Variants in FAM118B observed in about 807,000 individuals in gnomAD.
The protein encoded by FAM118B is SIR2 antiphage like 1.
A neutral mutation model predicts 38.5 loss-of-function variants in FAM118B; 24 were observed. The observed-to-expected ratio is 0.62, with a 90% confidence interval of 0.45 to 0.88. The LOEUF is 0.88. Ranked by LOEUF, FAM118B falls within the 40% of genes least tolerant of loss-of-function variation. The probability of loss-of-function intolerance (pLI) is 0.00; values close to 1 mark genes in which losing one functional copy is unlikely to be tolerated. For synonymous variants in FAM118B, 138 were observed against 156.3 expected (o/e 0.88, Z 0.87); for missense variants, 334 against 420.0 (o/e 0.80, Z 1.79).
chr11:126,253,783 T>C lies in FAM118B; in HGVS notation c.568-522T>C, dbSNP rs1950537612. On this transcript the variant is annotated intron_variant, in intron 5 of 8. Coordinates refer to ENST00000533050, the MANE Select transcript of FAM118B (RefSeq NM_024556.4). The surrounding 1 kb of genome is among the most constrained non-coding windows in gnomAD (Gnocchi z 5.1). Reference sequence around the variant, plus strand: ...TATGTCCCAGCAGGCTAGCCCAGGCTTCTTCACTTTCTTCGCATGGCAGCT... The same window carrying C: ...TATGTCCCAGCAGGCTAGCCCAGGCCTCTTCACTTTCTTCGCATGGCAGCT... 1.3e-5 allele frequency among the ~76,000 whole-genome samples: 2 copies of C among 152,212 alleles called. No homozygotes were observed. Among genetic ancestry groups the C allele is most frequent in the Admixed American group, 1.3e-4 (2 of 15,274 alleles).
chr11:126,231,027 C>T (rs1950200668), intron 2 of FAM118B, among the ~76,000 whole-genome samples: 1 of 152,182 alleles, frequency 6.6e-6, no homozygotes, highest in Non-Finnish European at 1.5e-5. Context: ...GAGATAGAAG[C>T]ATTACATTTC....
At chr11:126,216,404 G>A (rs771952095) in intron 1 of FAM118B, among the ~76,000 whole-genome samples, 3 of 151,966 alleles carry the variant, frequency 2.0e-5, no homozygotes, top group African/African-American at 7.3e-5. Context: ...AACAAAAACC[G>A]TTTCTCTGCC....
At chr11:126,251,716 AG>A (rs1378163834) in intron 5 of FAM118B, among the ~76,000 whole-genome samples, 2 of 147,488 alleles carry the variant, frequency 1.4e-5, no homozygotes, top group African/African-American at 5.0e-5. Context: ...TGTAGCACTT[AG>A]TATTAACTTG....
At position 126,238,616 on chromosome 11, in the gene FAM118B, G is replaced by A. The variant is rs79835939; in HGVS notation, c.87-2176G>A. Among the ~76,000 whole-genome samples the A allele has an allele frequency of 4.8e-3, 727 of 152,264 alleles. 4 individuals are homozygous for A. Among genetic ancestry groups the A allele is most frequent in the African/African-American group, 0.017 (688 of 41,536 alleles). Reference sequence around the variant, plus strand: ...TTACTTAATCCCCACCCTCAGCTGTGTGCAGTGTTCTCAGATATAGTCCTC... The same window carrying A: ...TTACTTAATCCCCACCCTCAGCTGTATGCAGTGTTCTCAGATATAGTCCTC... On this transcript the variant is annotated intron_variant, in intron 3 of 8. Coordinates refer to ENST00000533050, the MANE Select transcript of FAM118B (RefSeq NM_024556.4).
chr11:126,214,488 CTGTTTTTTTTTTT>C (rs1314042253), intron 1 of FAM118B: 4 of 34,856 alleles, frequency 1.1e-4, no homozygotes, highest in Non-Finnish European at 2.4e-4. Flanking sequence ...TCTTTTGTTT[CTGTTTTTTTTTTT>C]TGTTTTTTTT....
rs1268489639 is a variant in FAM118B, at chr11:126,255,053, C to A, written c.696+620C>A. 6.6e-6 allele frequency among the ~76,000 whole-genome samples: 1 copy of A among 152,194 alleles called. No homozygotes were observed. The highest frequency in any genetic ancestry group is 1.5e-5 in the Non-Finnish European group (1 of 68,032). On this transcript the variant is annotated intron_variant, in intron 6 of 8. Coordinates refer to ENST00000533050, the MANE Select transcript of FAM118B (RefSeq NM_024556.4). This position sits in a 1 kb window ranked among gnomAD's most constrained non-coding sequence, Gnocchi z 4.6. ...CATCATTTGGTTTATTAATAGCCCT[C>A]TCTGTGTCAGAAATAATTGAGGCAG...
At chr11:126,221,508 T>A (rs1950061884) in intron 1 of FAM118B, among the ~76,000 whole-genome samples, 1 of 152,020 alleles carries the variant, frequency 6.6e-6, no homozygotes, top group Non-Finnish European at 1.5e-5. Context: ...GGTTTTTTGG[T>A]TTTTAAGTTT....
rs78492924 is a variant in FAM118B, at chr11:126,245,689, C to T, written c.339+4645C>T. Among the ~76,000 whole-genome samples, 698 of 151,718 alleles carry T rather than the reference C, an allele frequency of 4.6e-3. 4 individuals carry two copies. The highest frequency in any genetic ancestry group is 0.015 in the African/African-American group (621 of 41,358). ...AGCCTGGGCAACATAGTGAGACCCTCGGCTCTAAAAAAGAAAAAAAAATGA... is the reference window on the plus strand; with the variant it reads ...AGCCTGGGCAACATAGTGAGACCCTTGGCTCTAAAAAAGAAAAAAAAATGA... On this transcript the variant is annotated intron_variant, in intron 4 of 8. Transcript: ENST00000533050.
At chr11:126,259,071 T>TAAA (rs1220593115) in intron 7 of FAM118B, among the ~76,000 whole-genome samples, 5 of 152,200 alleles carry the variant, frequency 3.3e-5, no homozygotes, top group Non-Finnish European at 7.3e-5. Flanking sequence ...GAGTGCTTTA[T>TAAA]GGGAATGGTC....
Position 126,262,268 on chromosome 11 carries a change from G to A in FAM118B, c.*135G>A. On this transcript the variant is annotated 3_prime_UTR_variant, in exon 9 of 9. Coordinates refer to ENST00000533050, the MANE Select transcript of FAM118B (RefSeq NM_024556.4). ...TAGCCAGAGGTTGAAGGGCGGGGTAGAAGAGGGGGGAATGTTGCAGCGTAA... is the reference window on the plus strand; with the variant it reads ...TAGCCAGAGGTTGAAGGGCGGGGTAAAAGAGGGGGGAATGTTGCAGCGTAA... 3 of 842,682 alleles carry A rather than the reference G, an allele frequency of 3.6e-6. No homozygotes were observed. Among genetic ancestry groups the A allele is most frequent in the Non-Finnish European group, 5.8e-6 (3 of 516,024 alleles). 52.2% of individuals were successfully genotyped at this position (842,682 alleles called of 1,614,324 possible).
chr11:126,236,588 G>A (rs1417275230), intron 3 of FAM118B, among the ~76,000 whole-genome samples: 1 of 152,222 alleles, frequency 6.6e-6, no homozygotes, highest in East Asian at 1.9e-4. Context: ...TAGACACCGG[G>A]CAGCTCTTTA....
At chr11:126,223,650 T>G (rs1565326307) in intron 1 of FAM118B, among the ~76,000 whole-genome samples, 1 of 152,094 alleles carries the variant, frequency 6.6e-6, no homozygotes, top group Non-Finnish European at 1.5e-5. Context: ...GTATTTTAGA[T>G]AGATTTAATA....
At position 126,244,707 on chromosome 11, in the gene FAM118B, G is replaced by A. The variant is rs1950399609; in HGVS notation, c.339+3663G>A. Among the ~76,000 whole-genome samples the A allele has an allele frequency of 6.6e-6, 1 of 152,154 alleles. No individual in the cohort carries two copies. The highest frequency in any genetic ancestry group is 1.5e-5 in the Non-Finnish European group (1 of 68,038). ...TAATCCCAGCTACTCGGGAGGTGGA[G>A]GCAGGAGAATCACTTGAACCTGGGA... On this transcript the variant is annotated intron_variant, in intron 4 of 8. Transcript: ENST00000533050. The surrounding 1 kb of genome is among the most constrained non-coding windows in gnomAD (Gnocchi z 4.5).
chr11:126,247,074 C>G (rs758504505), intron 4 of FAM118B, among the ~76,000 whole-genome samples: 1 of 152,174 alleles, frequency 6.6e-6, no homozygotes, highest in Admixed American at 6.5e-5. Flanking sequence ...AAGAGGATCA[C>G]TTGAGGCCAG....
chr11:126,246,884 C>A (rs935964171), intron 4 of FAM118B, among the ~76,000 whole-genome samples: 4 of 152,140 alleles, frequency 2.6e-5, no homozygotes, highest in Non-Finnish European at 5.9e-5. Context: ...GTTTTCATTC[C>A]TTTGTCTTTG....
At chr11:126,236,168 C>T (rs779462664) in intron 3 of FAM118B, among the ~76,000 whole-genome samples, 1 of 152,172 alleles carries the variant, frequency 6.6e-6, no homozygotes, top group Non-Finnish European at 1.5e-5. Context: ...TTACATCTCT[C>T]CTGTATCGAT....
intron 1 of FAM118B, 40 bp downstream of exon 1, chr11:126,211,870 C>T: frequency 1.8e-6 from 1 of 545,038 alleles, no homozygotes; most frequent in Non-Finnish European, 3.2e-6. Context: ...TGGGAAATGC[C>T]GGTGCCTCAA....
intron 1 of FAM118B, chr11:126,214,503 G>GTTTTTGTTTTTT (rs1555048584): frequency 1.8e-4 from 5 of 28,258 alleles, no homozygotes; most frequent in African/African-American, 4.6e-4. Context: ...TTTTTTTTTT[G>GTTTTTGTTTTTT]TTTTTTTTTT....
At chr11:126,226,887 C>G (rs987354100) in intron 1 of FAM118B, among the ~76,000 whole-genome samples, 1 of 149,612 alleles carries the variant, frequency 6.7e-6, no homozygotes, top group African/African-American at 2.5e-5. Flanking sequence ...GGAGGATCAC[C>G]AAGCCTGATG....
Sources: allele counts gnomAD v4.1 joint callset (sites outside exome capture counted in the v4.1 genomes callset), GRCh38; gene constraint gnomAD v4.1.1; non-coding constraint Gnocchi (gnomAD v3.1); transcripts MANE v1.5; gene names NCBI Gene and HGNC (gene_info 2026-07-23, HGNC 2026-07-21).